GRAMD1C: variants seen among roughly 807,000 people sequenced by gnomAD.
GRAMD1C encodes the protein GRAM domain containing 1C, also known as protein Aster-C.
In GRAMD1C, 89 loss-of-function variants were observed where a neutral mutation model predicts 97.8. The ratio of observed to expected loss-of-function variants is 0.91; its 90% CI spans 0.77 to 1.09. The LOEUF is 1.09. Among genes scored for constraint, GRAMD1C ranks in the 50% least tolerant of loss-of-function variants. The pLI, the probability that GRAMD1C is intolerant of heterozygous loss-of-function variation, is 0.00. For missense variants in GRAMD1C, 740 were observed against 766.4 expected, an observed-to-expected ratio of 0.97 and a Z score of 0.41; for synonymous variants, 256 against 267.0, an observed-to-expected ratio of 0.96 and a Z score of 0.40.
rs114244217 is a variant in GRAMD1C at position 113,840,562 on chromosome 3, A to T, written c.27+1626A>T. 3.2e-3 allele frequency among the ~76,000 whole-genome samples: 487 copies of T among 152,144 alleles called. 3 individuals carry two copies. The highest frequency in any genetic ancestry group is 0.011 in the African/African-American group (473 of 41,492). ...TTGAGACCAGCCTGGGCAACAAAGC[A>T]AGACCCTGTATCTACCAAAATAAAA... On this transcript the variant is annotated intron_variant, in intron 1 of 17. Transcript: ENST00000358160.
upstream of GRAMD1C, among the ~76,000 whole-genome samples, chr3:113,834,863 A>G (rs1709612978): frequency 6.6e-6 from 1 of 151,010 alleles, no homozygotes; most frequent in Non-Finnish European, 1.5e-5. Flanking sequence ...TCGCTTGAAC[A>G]CAGGAGGTGG....
intron 5 of GRAMD1C, among the ~76,000 whole-genome samples, chr3:113,881,127 A>C (rs1377353798): frequency 1.3e-5 from 2 of 152,180 alleles, no homozygotes; most frequent in Non-Finnish European, 2.9e-5. Flanking sequence ...GCTATTATTG[A>C]ATCAAGATTA....
chr3:113,877,843 T>C (rs574170561), intron 5 of GRAMD1C, among the ~76,000 whole-genome samples: 1 of 152,136 alleles, frequency 6.6e-6, no homozygotes, highest in South Asian at 2.1e-4. Flanking sequence ...AATGGTGTGA[T>C]CTTCGCTTAC....
At chr3:113,870,972 A>C (rs1350190325) in intron 3 of GRAMD1C, among the ~76,000 whole-genome samples, 1 of 110,070 alleles carries the variant, frequency 9.1e-6, no homozygotes, top group South Asian at 3.2e-4. Flanking sequence ...AAATAAATAA[A>C]AGACACACAC....
At chr3:113,887,987 G>T (rs1450986548) in intron 6 of GRAMD1C, among the ~76,000 whole-genome samples, 1 of 152,092 alleles carries the variant, frequency 6.6e-6, no homozygotes, top group African/African-American at 2.4e-5. Context: ...AAAAGAGATT[G>T]AATTAATGAT....
intron 2 of GRAMD1C, among the ~76,000 whole-genome samples, chr3:113,864,799 T>C (rs72952687): frequency 0.028 from 4,267 of 152,256 alleles, 218 homozygotes; most frequent in African/African-American, 0.098. Flanking sequence ...GAATTTCTCT[T>C]AATGACCCAT....
At position 113,844,505 on chromosome 3, in the gene GRAMD1C, G is replaced by T; in HGVS notation, c.30G>T (p.Val10=). The T allele has an allele frequency of 6.3e-7, 1 of 1,593,060 alleles. No individual in the cohort carries two copies. Among genetic ancestry groups the T allele is most frequent in the Non-Finnish European group, 8.6e-7 (1 of 1,166,350 alleles). MEGAPTVRQ[V]MNEGDSSLAT... ...CTTAGTTTGATATTTGTTTCCAGGT[G>T]ATGAATGAAGGGGATTCAAGCCTTG... The change falls in exon 2 of 18, where the codon GTG becomes GTT. Residue 10 remains valine (V), a splice_region_variant and synonymous_variant. Coordinates refer to ENST00000358160, the MANE Select transcript of GRAMD1C (RefSeq NM_017577.5).
intron 6 of GRAMD1C, among the ~76,000 whole-genome samples, chr3:113,899,518 C>T (rs1936067499): frequency 6.6e-6 from 1 of 152,108 alleles, no homozygotes; most frequent in African/African-American, 2.4e-5. Context: ...TATGTTTATT[C>T]TCCTTAGCAT....
intron 10 of GRAMD1C, among the ~76,000 whole-genome samples, chr3:113,917,883 G>A (rs1422003067): frequency 1.2e-4 from 8 of 68,156 alleles, no homozygotes; most frequent in Admixed American, 7.4e-4. Flanking sequence ...TTTTTTTTTG[G>A]TAGAGACAGG....
At chr3:113,915,605 C>G in intron 9 of GRAMD1C, 96 bp from the exon 10 acceptor site, 1 of 930,716 alleles carries the variant, frequency 1.1e-6, no homozygotes, top group Non-Finnish European at 1.6e-6. Flanking sequence ...ATTTTATGCC[C>G]AAAATAAAAA....
At chr3:113,872,947 T>C (rs1252468062) in intron 3 of GRAMD1C, among the ~76,000 whole-genome samples, 1 of 148,144 alleles carries the variant, frequency 6.8e-6, no homozygotes, top group Non-Finnish European at 1.5e-5. Flanking sequence ...TAGCCAGGCG[T>C]GGTGGCCAGC....
intron 1 of GRAMD1C, among the ~76,000 whole-genome samples, chr3:113,841,320 C>G (rs1709784299): frequency 9.0e-6 from 1 of 111,556 alleles, no homozygotes; most frequent in Non-Finnish European, 1.7e-5. Flanking sequence ...GAGTCTTGCT[C>G]TGTCGCCCAG....
chr3:113,911,162 A>G (rs188591147), intron 9 of GRAMD1C, among the ~76,000 whole-genome samples: 46 of 101,508 alleles, frequency 4.5e-4, no homozygotes, highest in Middle Eastern at 4.2e-3. Flanking sequence ...GCAGGGAACA[A>G]CAGAGAGAGA....
At chr3:113,939,523 G>C (rs1937665412) in intron 15 of GRAMD1C, 1 of 160,106 alleles carries the variant, frequency 6.2e-6, no homozygotes, top group African/African-American at 2.4e-5. Context: ...TAAGCCAAAG[G>C]CACCCAAAAA....
rs1199691286 is a variant in GRAMD1C at position 113,900,392 on chromosome 3, A to G, written c.541-639A>G. On this transcript the variant is annotated intron_variant, in intron 6 of 17. Transcript: ENST00000358160. ...GCAAACAAACTGCAGATCAGTAATT[A>G]CCAGAAAGTATGAACAAATTATTAT... Among the ~76,000 whole-genome samples, 5 of 143,144 alleles carry G rather than the reference A, an allele frequency of 3.5e-5. No individual in the cohort carries two copies. In the South Asian group the frequency reaches 8.7e-4, roughly 25 times the overall value. 93.9% of individuals were successfully genotyped at this position (143,144 alleles called of 152,430 possible). A position where few individuals can be genotyped will look rare whatever the true frequency, so the allele number is the denominator to read the frequency against.
At chr3:113,877,837 G>A (rs1489430187) in intron 5 of GRAMD1C, among the ~76,000 whole-genome samples, 1 of 151,974 alleles carries the variant, frequency 6.6e-6, no homozygotes, top group Non-Finnish European at 1.5e-5. Flanking sequence ...CAAGGCAATG[G>A]TGTGATCTTC....
At chr3:113,934,824 A>G (rs566181955) in intron 13 of GRAMD1C, among the ~76,000 whole-genome samples, 1 of 152,104 alleles carries the variant, frequency 6.6e-6, no homozygotes, top group South Asian at 2.1e-4. Context: ...GCTCACTGCA[A>G]CCTCCGCCTC....
intron 3 of GRAMD1C, among the ~76,000 whole-genome samples, chr3:113,874,775 G>A (rs1027198226): frequency 6.6e-6 from 1 of 152,108 alleles, no homozygotes; most frequent in African/African-American, 2.4e-5. Context: ...TCCTAAATAT[G>A]TCTTAATCTA....
intron 5 of GRAMD1C, among the ~76,000 whole-genome samples, chr3:113,879,002 C>T (rs1319436644): frequency 6.6e-6 from 1 of 151,914 alleles, no homozygotes; most frequent in Non-Finnish European, 1.5e-5. Flanking sequence ...GTCAGGAGTT[C>T]GAGACCAGCC....
Sources: gnomAD v4.1 joint callset for allele counts (sites outside exome capture counted in the v4.1 genomes callset) on GRCh38, gnomAD v4.1.1 for gene constraint, MANE v1.5 for transcripts, NCBI Gene and HGNC (gene_info 2026-07-23, HGNC 2026-07-21) for gene names.